Variants in OPHN1 observed in about 807,000 individuals in gnomAD.
OPHN1 encodes the protein oligophrenin 1, also known as oligophrenin-1.
A neutral mutation model predicts 60.7 loss-of-function variants in OPHN1; 11 were observed. That is an observed-to-expected ratio of 0.18 (90% confidence interval 0.11 to 0.30). The LOEUF is 0.30. OPHN1 is among the 10% of genes least tolerant of loss of function. The pLI is 1.00. For synonymous variants in OPHN1, 226 were observed against 222.6 expected (o/e 1.02, Z -0.14); for missense variants, 449 against 611.0 (o/e 0.73, Z 2.80).
At chrX:68,246,042 T>C (rs1018831014) in intron 5 of OPHN1, among the ~76,000 whole-genome samples, 6 of 111,219 alleles carry the variant, frequency 5.4e-5, no homozygotes, top group African/African-American at 2.0e-4. Context: ...TGCCCTCAGG[T>C]GATCCACCCA....
chrX:68,237,590 CTAAG>C (rs1340828780), intron 5 of OPHN1, among the ~76,000 whole-genome samples: 2 of 111,987 alleles, frequency 1.8e-5, no homozygotes, highest in African/African-American at 6.5e-5. Context: ...AAATTTATAC[CTAAG>C]TATTTTAATC....
intron 5 of OPHN1, among the ~76,000 whole-genome samples, chrX:68,273,598 C>T (rs978182948): frequency 1.8e-5 from 2 of 112,072 alleles, no homozygotes; most frequent in African/African-American, 6.5e-5. Flanking sequence ...ACACAAGTGA[C>T]TGCTGAGCAC....
intron 5 of OPHN1, among the ~76,000 whole-genome samples, chrX:68,255,088 T>C (rs1477648942): frequency 9.5e-6 from 1 of 105,429 alleles, no homozygotes; most frequent in Admixed American, 1.0e-4. Context: ...GAGTATGTAA[T>C]ATGTTGAGCT....
intron 3 of OPHN1, among the ~76,000 whole-genome samples, chrX:68,298,537 C>T (rs1314648637): frequency 4.5e-5 from 5 of 111,492 alleles, no homozygotes; most frequent in Non-Finnish European, 9.4e-5. Context: ...CAAGATTATA[C>T]AACTAATAGA....
intron 3 of OPHN1, among the ~76,000 whole-genome samples, chrX:68,293,003 G>A (rs59281687): frequency 0.014 from 1,581 of 111,993 alleles, 23 homozygotes; most frequent in African/African-American, 0.049. Flanking sequence ...ACTGACATAT[G>A]AGCTTAAGAG....
intron 2 of OPHN1, among the ~76,000 whole-genome samples, chrX:68,361,859 T>C (rs773155912): frequency 1.5e-4 from 17 of 112,193 alleles, no homozygotes; most frequent in Non-Finnish European, 1.9e-4. Context: ...TACACACTTA[T>C]CCACATCTTC....
At position 68,064,118 on chromosome X, in the gene OPHN1, G is replaced by A. The variant is rs1461563916; in HGVS notation, c.1894C>T (p.Pro632Ser). Residue 632 changes from proline to serine, a missense_variant, in exon 21 of 25, where the codon CCA (proline) becomes TCA (serine). By Grantham distance (74) the Pro-to-Ser change is moderately conservative. Around this residue, in one of 4 missense-constraint regions of OPHN1, gnomAD observed 184 missense variants for 160.5 expected, o/e 1.15. Coordinates refer to ENST00000355520, the MANE Select transcript of OPHN1 (RefSeq NM_002547.3). ...ATAGGTAGTTTGGGGTGTTGTGGTG[G>A]CTTGGGGGGTTCTATGCTGCTGGTG... ...TITSSIEPPK[P>S]PQHPKLPIQR... is the part of the protein sequence containing the mutation. 2 of 1,208,432 alleles carry A rather than the reference G, an allele frequency of 1.7e-6. No individual in the cohort carries two copies. Among genetic ancestry groups the A allele is most frequent in the Admixed American group, 4.4e-5 (2 of 45,629 alleles).
In OPHN1 at chrX:68,327,799, A is replaced by T. The variant is rs1368207197; in HGVS notation, c.155-28703T>A. Among the ~76,000 whole-genome samples the T allele has an allele frequency of 9.0e-5, 5 of 55,674 alleles. 1 individual carries two copies. Among genetic ancestry groups the T allele is most frequent in the Admixed American group, 5.2e-4 (3 of 5,809 alleles). 48.3% of individuals were successfully genotyped at this position (55,674 alleles called of 115,157 possible). ...ATAAAAATAAAAAATAAAAAAAATA[A>T]AAAAAAAAAAAAAAAAAATTTTAAA... On this transcript the variant is annotated intron_variant, in intron 2 of 24. Coordinates refer to ENST00000355520, the MANE Select transcript of OPHN1 (RefSeq NM_002547.3).
chrX:68,396,801 C>T (rs1331651681), intron 2 of OPHN1, among the ~76,000 whole-genome samples: 2 of 110,889 alleles, frequency 1.8e-5, no homozygotes, highest in East Asian at 2.8e-4. Context: ...GGCGACAGAG[C>T]GAGACTCCAT....
At chrX:68,320,423 A>G (rs1177543499) in intron 2 of OPHN1, among the ~76,000 whole-genome samples, 1 of 111,767 alleles carries the variant, frequency 8.9e-6, no homozygotes, top group Non-Finnish European at 1.9e-5. Flanking sequence ...AACAAAAAAC[A>G]GTGACAATAC....
At chrX:68,305,469 A>G (rs1437974306) in intron 2 of OPHN1, among the ~76,000 whole-genome samples, 1 of 112,636 alleles carries the variant, frequency 8.9e-6, no homozygotes. Context: ...ATAAAAAAGA[A>G]TATGTGCATG....
chrX:68,370,374 G>C (rs1253910061), intron 2 of OPHN1, among the ~76,000 whole-genome samples: 1 of 109,871 alleles, frequency 9.1e-6, no homozygotes, highest in Non-Finnish European at 1.9e-5. Flanking sequence ...GGGTGTGGTG[G>C]TACACACCTG....
chrX:68,172,290 C>G (rs1262288058), intron 15 of OPHN1, among the ~76,000 whole-genome samples: 1 of 111,854 alleles, frequency 8.9e-6, no homozygotes, highest in Non-Finnish European at 1.9e-5. Context: ...GAATGAATTC[C>G]TGATGCATGG....
chrX:68,186,475 T>G (rs1456084313), intron 15 of OPHN1, among the ~76,000 whole-genome samples: 3 of 77,330 alleles, frequency 3.9e-5, no homozygotes, highest in Non-Finnish European at 7.7e-5. Context: ...AATATTACAG[T>G]AAAAAAAAAA....
At chrX:68,264,644 T>C (rs1437497985) in intron 5 of OPHN1, among the ~76,000 whole-genome samples, 1 of 111,922 alleles carries the variant, frequency 8.9e-6, no homozygotes, top group African/African-American at 3.3e-5. Flanking sequence ...ACTGAGGTAC[T>C]GGGTTCATCT....
At chrX:68,297,813 A>T (rs1050496707) in intron 3 of OPHN1, among the ~76,000 whole-genome samples, 15 of 111,166 alleles carry the variant, frequency 1.3e-4, no homozygotes, top group Non-Finnish European at 2.3e-4. Flanking sequence ...GAAAATGCTT[A>T]TAATAAAATA....
intron 10 of OPHN1, among the ~76,000 whole-genome samples, chrX:68,206,048 T>C (rs1247627690): frequency 9.3e-6 from 1 of 107,885 alleles, no homozygotes; most frequent in Non-Finnish European, 1.9e-5. Flanking sequence ...AAGTAAACTA[T>C]TTTTTTCAGT....
chrX:68,136,112 C>G lies in OPHN1; in HGVS notation c.1277-16780G>C, dbSNP rs569057870. On this transcript the variant is annotated intron_variant, in intron 15 of 24. Transcript: ENST00000355520. Reference sequence around the variant, plus strand: ...TCTGTGCTGTCCAATAGGGCCACTACTGGCTACATATGGTAATTCAAATTT... The same window carrying G: ...TCTGTGCTGTCCAATAGGGCCACTAGTGGCTACATATGGTAATTCAAATTT... 4.5e-5 allele frequency among the ~76,000 whole-genome samples: 5 copies of G among 110,246 alleles called. No homozygotes were observed. In the South Asian group the frequency reaches 1.2e-3, roughly 26 times the overall value.
chrX:68,126,724 C>T (rs1211614092), intron 15 of OPHN1, among the ~76,000 whole-genome samples: 2 of 111,963 alleles, frequency 1.8e-5, no homozygotes, highest in African/African-American at 6.5e-5. Context: ...GGATTACAGG[C>T]ATGAGCCACT....
Sources: gnomAD v4.1 joint callset for allele counts (sites outside exome capture counted in the v4.1 genomes callset) on GRCh38, gnomAD v4.1.1 for gene constraint, gnomAD v4.1.1 regional missense constraint, MANE v1.5 for transcripts, NCBI Gene and HGNC (gene_info 2026-07-23, HGNC 2026-07-21) for gene names.